Variants in PDZRN3 observed in about 807,000 individuals in gnomAD.
PDZRN3 encodes the protein E3 ubiquitin-protein ligase PDZRN3.
A neutral mutation model predicts 85.7 loss-of-function variants in PDZRN3; 38 were observed. The ratio of observed to expected loss-of-function variants is 0.44; its 90% CI spans 0.34 to 0.58. The LOEUF (loss-of-function observed/expected upper bound fraction) is 0.58, where lower values mean the gene tolerates loss of function less well. Ranked by LOEUF, PDZRN3 falls within the 20% of genes least tolerant of loss-of-function variation. The pLI, the probability that PDZRN3 is intolerant of heterozygous loss-of-function variation, is 0.01. For synonymous variants in PDZRN3, 759 were observed against 638.0 expected (o/e 1.19, Z -2.86); for missense variants, 1,629 against 1,506.4 (o/e 1.08, Z -1.35).
chr3:73,471,194 T>C (rs146182343), intron 3 of PDZRN3, among the ~76,000 whole-genome samples: 5 of 152,162 alleles, frequency 3.3e-5, no homozygotes, highest in Middle Eastern at 3.4e-3. Context: ...TGAAGAGATA[T>C]AGAACACCAT....
chr3:73,534,035 T>C (rs542759752), intron 3 of PDZRN3, among the ~76,000 whole-genome samples: 5 of 152,336 alleles, frequency 3.3e-5, no homozygotes, highest in Admixed American at 3.3e-4. Flanking sequence ...TTCTATTTAT[T>C]CCCCCATTAA....
At chr3:73,420,685 AC>A (rs1702182642) in intron 3 of PDZRN3, among the ~76,000 whole-genome samples, 2 of 151,944 alleles carry the variant, frequency 1.3e-5, no homozygotes, top group African/African-American at 4.8e-5. Flanking sequence ...CATAAAGATG[AC>A]CCTCTTTGAC....
chr3:73,460,604 T>C (rs1444925698), intron 3 of PDZRN3, among the ~76,000 whole-genome samples: 2 of 152,234 alleles, frequency 1.3e-5, no homozygotes. Flanking sequence ...ATTTTCTTTA[T>C]GATAACCACA....
At chr3:73,572,816 C>T (rs1387493353) in intron 3 of PDZRN3, among the ~76,000 whole-genome samples, 1 of 152,132 alleles carries the variant, frequency 6.6e-6, no homozygotes, top group African/African-American at 2.4e-5. Context: ...TTCCCTCCTG[C>T]ATTTGGGAAA....
At chr3:73,612,544 A>G (rs1050669916) in intron 1 of PDZRN3, among the ~76,000 whole-genome samples, 2 of 152,234 alleles carry the variant, frequency 1.3e-5, no homozygotes, top group Non-Finnish European at 2.9e-5. Context: ...GGAGCAGCAT[A>G]ATGGTTAAGT....
intron 3 of PDZRN3, among the ~76,000 whole-genome samples, chr3:73,566,656 A>G (rs1335673673): frequency 6.6e-6 from 1 of 152,134 alleles, no homozygotes; most frequent in East Asian, 1.9e-4. Context: ...ATAAATCCCA[A>G]TTGGTCCAAG....
intron 3 of PDZRN3, among the ~76,000 whole-genome samples, chr3:73,537,180 C>T (rs1704807268): frequency 6.6e-6 from 1 of 152,136 alleles, no homozygotes; most frequent in Non-Finnish European, 1.5e-5. Flanking sequence ...CCTGAGCCTG[C>T]CCCATAAAAA....
At chr3:73,406,430 C>A (rs1215767324) in intron 3 of PDZRN3, among the ~76,000 whole-genome samples, 2 of 152,138 alleles carry the variant, frequency 1.3e-5, no homozygotes, top group Non-Finnish European at 2.9e-5. Context: ...TGAGCCATAT[C>A]TTTCATTAAA....
chr3:73,512,280 G>T (rs957611914), intron 3 of PDZRN3, among the ~76,000 whole-genome samples: 1 of 152,202 alleles, frequency 6.6e-6, no homozygotes, highest in Non-Finnish European at 1.5e-5. Context: ...CTGGAACTCT[G>T]TGCACCACTA....
chr3:73,505,787 A>G (rs1367719718), intron 3 of PDZRN3, among the ~76,000 whole-genome samples: 3 of 152,152 alleles, frequency 2.0e-5, no homozygotes, highest in Non-Finnish European at 4.4e-5. Context: ...AAAACAGCAC[A>G]TAAAGTCAGT....
chr3:73,478,109 G>C (rs373983209), intron 3 of PDZRN3, among the ~76,000 whole-genome samples: 1 of 152,132 alleles, frequency 6.6e-6, no homozygotes, highest in Non-Finnish European at 1.5e-5. Flanking sequence ...GCAAAGAAGG[G>C]TGAATTTGCA....
chr3:73,473,203 A>C (rs1383904170), intron 3 of PDZRN3, among the ~76,000 whole-genome samples: 1 of 152,144 alleles, frequency 6.6e-6, no homozygotes, highest in Non-Finnish European at 1.5e-5. Flanking sequence ...TTCATCTCAA[A>C]CTGTAGTTAT....
At chr3:73,434,324 C>T (rs1702490499) in intron 3 of PDZRN3, among the ~76,000 whole-genome samples, 1 of 152,082 alleles carries the variant, frequency 6.6e-6, no homozygotes, top group Non-Finnish European at 1.5e-5. Context: ...GTATTTAATG[C>T]TGCAGATAAT....
At chr3:73,414,992 C>T (rs981028289) in intron 3 of PDZRN3, among the ~76,000 whole-genome samples, 2 of 152,194 alleles carry the variant, frequency 1.3e-5, no homozygotes, top group Admixed American at 6.5e-5. Context: ...GTATGCTTGG[C>T]ACTGTACATT....
At chr3:73,478,244 G>GGTGA (rs1160375268) in intron 3 of PDZRN3, among the ~76,000 whole-genome samples, 1 of 152,098 alleles carries the variant, frequency 6.6e-6, no homozygotes, top group African/African-American at 2.4e-5. Flanking sequence ...GGGAGAGGTG[G>GGTGA]GTGAGTGAGT....
intron 3 of PDZRN3, among the ~76,000 whole-genome samples, chr3:73,450,028 G>A (rs1457947163): frequency 1.3e-5 from 2 of 152,184 alleles, no homozygotes; most frequent in African/African-American, 4.8e-5. Context: ...AGGAGGCACT[G>A]GATGGACTGT....
chr3:73,422,723 G>C (rs1702228816), intron 3 of PDZRN3, among the ~76,000 whole-genome samples: 1 of 152,072 alleles, frequency 6.6e-6, no homozygotes, highest in African/African-American at 2.4e-5. Flanking sequence ...CCTCTTTGGG[G>C]AACAGCCACT....
At position 73,384,429 on chromosome 3, in the gene PDZRN3, C is replaced by G; in HGVS notation, c.2137G>C (p.Glu713Gln). Reference sequence around the variant, plus strand: ...AGCATCCAGGACTCGCGGTACTGCTCCTTGAGCTGCTGCATCTTGTGGGCG... The same window carrying G: ...AGCATCCAGGACTCGCGGTACTGCTGCTTGAGCTGCTGCATCTTGTGGGCG... ...VRAHKMQQLK[E>Q]QYRESWMLHN... is the part of the protein sequence containing the mutation. The change falls in exon 10 of 10, where the codon GAG becomes CAG. Residue 713 changes from glutamate to glutamine, a missense_variant. By Grantham distance (29) the Glu-to-Gln change is conservative. Transcript: ENST00000263666. The G allele has an allele frequency of 6.2e-7, 1 of 1,611,326 alleles. No homozygotes were observed. Among genetic ancestry groups the G allele is most frequent in the Non-Finnish European group, 8.5e-7 (1 of 1,180,018 alleles).
chr3:73,427,852 A>T (rs538668429), intron 3 of PDZRN3, among the ~76,000 whole-genome samples: 3 of 152,328 alleles, frequency 2.0e-5, no homozygotes, highest in Non-Finnish European at 2.9e-5. Context: ...ACATTTGTCC[A>T]GGAGGTTGGG....
Sources: allele counts gnomAD v4.1 joint callset (sites outside exome capture counted in the v4.1 genomes callset), GRCh38; gene constraint gnomAD v4.1.1; transcripts MANE v1.5; gene names NCBI Gene and HGNC (gene_info 2026-07-23, HGNC 2026-07-21).